The following THSD7A variants were observed in gnomAD, a reference collection of about 807,000 sequenced individuals.
THSD7A encodes thrombospondin type 1 domain containing 7A.
Under a neutral mutation model 231.3 loss-of-function variants are expected in THSD7A, and 96 were observed. That is an observed-to-expected ratio of 0.41 (90% CI 0.35 to 0.49). THSD7A has a LOEUF of 0.49. Ranked by LOEUF, THSD7A falls within the 20% of genes least tolerant of loss-of-function variation. The pLI, the probability that THSD7A is intolerant of heterozygous loss-of-function variation, is 0.05. For synonymous variants in THSD7A, 940 were observed against 743.3 expected (o/e 1.26, Z -4.30); for missense variants, 2,290 against 2,070.2 (o/e 1.11, Z -2.06).
intron 6 of THSD7A, among the ~76,000 whole-genome samples, chr7:11,537,407 T>C (rs1788957701): frequency 6.6e-6 from 1 of 152,190 alleles, no homozygotes; most frequent in African/African-American, 2.4e-5. Flanking sequence ...GTAGATTTCT[T>C]ATGAACGCTT....
At chr7:11,588,170 G>A (rs62434530) in intron 4 of THSD7A, among the ~76,000 whole-genome samples, 2,237 of 152,174 alleles carry the variant, frequency 0.015, 30 homozygotes, top group Middle Eastern at 0.031. Flanking sequence ...AACATCGAGT[G>A]TGAATAATCT....
At chr7:11,517,122 G>A (rs1788062631) in intron 6 of THSD7A, among the ~76,000 whole-genome samples, 1 of 152,134 alleles carries the variant, frequency 6.6e-6, no homozygotes, top group East Asian at 1.9e-4. Flanking sequence ...ACCTTTGCCT[G>A]GGCTAGAGTT....
At chr7:11,594,658 A>C (rs953977691) in intron 2 of THSD7A, among the ~76,000 whole-genome samples, 7 of 152,176 alleles carry the variant, frequency 4.6e-5, no homozygotes, top group African/African-American at 1.7e-4. Flanking sequence ...AGTTCAATGG[A>C]AAAGTGATGA....
chr7:11,798,218 T>C (rs1784180495), intron 1 of THSD7A, among the ~76,000 whole-genome samples: 1 of 151,920 alleles, frequency 6.6e-6, no homozygotes, highest in Non-Finnish European at 1.5e-5. Context: ...TAGAAATAAA[T>C]ACGCAATTTG....
At chr7:11,576,829 G>A (rs888444444) in intron 4 of THSD7A, among the ~76,000 whole-genome samples, 1 of 152,038 alleles carries the variant, frequency 6.6e-6, no homozygotes, top group African/African-American at 2.4e-5. Flanking sequence ...AGATTTCTAG[G>A]CCATTTTTGT....
intron 1 of THSD7A, among the ~76,000 whole-genome samples, chr7:11,656,482 G>A (rs914569567): frequency 2.0e-5 from 3 of 151,818 alleles, no homozygotes; most frequent in African/African-American, 7.2e-5. Flanking sequence ...AAAGCTTGCA[G>A]TTGGATTATC....
At chr7:11,566,589 TG>T (rs1421276489) in intron 4 of THSD7A, among the ~76,000 whole-genome samples, 1 of 152,218 alleles carries the variant, frequency 6.6e-6, no homozygotes, top group Non-Finnish European at 1.5e-5. Context: ...AGAACAGAGC[TG>T]CATGCACTCT....
In THSD7A at chr7:11,474,454, G is replaced by T; in HGVS notation, c.2132C>A (p.Thr711Asn). 6.2e-7 allele frequency: 1 copy of T among 1,613,618 alleles called. No homozygotes were observed. The highest frequency in any genetic ancestry group is 8.5e-7 in the Non-Finnish European group (1 of 1,179,632). The change falls in exon 8 of 28, where the codon ACC (threonine) becomes AAC (asparagine). Residue 711 changes from threonine to asparagine, a missense_variant. Physicochemically the swap from Thr to Asn is moderately conservative, Grantham distance 65. Coordinates refer to ENST00000423059, the MANE Select transcript of THSD7A (RefSeq NM_015204.3). This position sits in a 1 kb window ranked among gnomAD's most constrained non-coding sequence, Gnocchi z 4.1. The part of the protein sequence containing the change: ...TGPWGQCIED[T>N]SVSSFNTTTT... Reference sequence around the variant, plus strand: ...AGTTGTGTTGAAGGACGATACTGAGGTGTCCTCAATGCACTGGCCCCAGGG... The same window carrying T: ...AGTTGTGTTGAAGGACGATACTGAGTTGTCCTCAATGCACTGGCCCCAGGG...
intron 1 of THSD7A, among the ~76,000 whole-genome samples, chr7:11,779,903 G>T (rs909298347): frequency 1.3e-5 from 2 of 152,204 alleles, no homozygotes; most frequent in Non-Finnish European, 2.9e-5. Context: ...ATGAGTGTGG[G>T]AACCAGAATC....
Position 11,484,874 on chromosome 7 carries a change from A to ATTTT in THSD7A, c.1823-2896_1823-2893dup, listed in dbSNP as rs56353626. On this transcript the variant is annotated intron_variant, in intron 6 of 27. Coordinates refer to ENST00000423059, the MANE Select transcript of THSD7A (RefSeq NM_015204.3). ...CTCAACCCACTGAATCACAACCTTA[A>ATTTT]TTTTTTTTTTTTTTTTTTTTTTTTT... is the stretch of plus-strand genomic sequence containing the variant. Among the ~76,000 whole-genome samples the ATTTT allele has an allele frequency of 1.5e-3, 83 of 53,816 alleles. 8 individuals carry two copies. Among genetic ancestry groups the ATTTT allele is most frequent in the African/African-American group, 3.6e-3 (48 of 13,376 alleles). 35.3% of individuals were successfully genotyped at this position (53,816 alleles called of 152,430 possible).
At chr7:11,556,131 TTC>T (rs1481293908) in intron 4 of THSD7A, among the ~76,000 whole-genome samples, 4 of 151,812 alleles carry the variant, frequency 2.6e-5, no homozygotes, top group Admixed American at 6.6e-5. Context: ...ATTTATTCAT[TTC>T]TGTTTCATTT....
intron 9 of THSD7A, among the ~76,000 whole-genome samples, chr7:11,465,339 C>T (rs7807369): frequency 2.0e-5 from 3 of 151,150 alleles, no homozygotes; most frequent in Admixed American, 1.3e-4. Context: ...AACAAGTACG[C>T]GAAAAATAAG....
chr7:11,720,330 T>C (rs1228768326), intron 1 of THSD7A, among the ~76,000 whole-genome samples: 1 of 151,798 alleles, frequency 6.6e-6, no homozygotes. Context: ...CAACTTTTCA[T>C]TGTCACACCT....
At chr7:11,628,145 T>C (rs182611134) in intron 2 of THSD7A, among the ~76,000 whole-genome samples, 107 of 152,272 alleles carry the variant, frequency 7.0e-4, no homozygotes, top group African/African-American at 2.5e-3. Flanking sequence ...AAACATACAT[T>C]GGGGCGTGTT....
chr7:11,769,210 C>T (rs1257020163), intron 1 of THSD7A, among the ~76,000 whole-genome samples: 30 of 137,742 alleles, frequency 2.2e-4, no homozygotes, highest in Non-Finnish European at 3.9e-4. Context: ...TTAGCCAGGC[C>T]GGTCTCAAAC....
chr7:11,734,635 T>C (rs1781845667), intron 1 of THSD7A, among the ~76,000 whole-genome samples: 1 of 151,976 alleles, frequency 6.6e-6, no homozygotes, highest in Admixed American at 6.6e-5. Flanking sequence ...TTGTTTTCTG[T>C]CTTAGAACAT....
At chr7:11,619,505 C>T (rs903853399) in intron 2 of THSD7A, among the ~76,000 whole-genome samples, 1 of 151,582 alleles carries the variant, frequency 6.6e-6, no homozygotes, top group Admixed American at 6.6e-5. Context: ...AAACCCCAGG[C>T]TCAAGAAATC....
chr7:11,636,064 G>GAT lies in THSD7A; in HGVS notation c.1022+64_1022+65dup. The GAT allele has an allele frequency of 2.9e-6, 4 of 1,395,788 alleles. No individual in the cohort carries two copies. Among genetic ancestry groups the GAT allele is most frequent in the Non-Finnish European group, 3.9e-6 (4 of 1,014,744 alleles). The allele number at this position is 1,395,788 out of a possible 1,614,324, so 86.5% of individuals were successfully genotyped here. A position where few individuals can be genotyped will look rare whatever the true frequency, so the allele number is the denominator to read the frequency against. The stretch of plus-strand genomic sequence containing the variant: ...ATCCAGAAGTTATTAGATAGTACCG[G>GAT]ATATCTTAGGTACTCATGATTCTTG... On this transcript the variant is annotated intron_variant, in intron 2 of 27. Transcript: ENST00000423059. The surrounding 1 kb of genome is among the most constrained non-coding windows in gnomAD (Gnocchi z 10.0).
intron 1 of THSD7A, among the ~76,000 whole-genome samples, chr7:11,655,556 A>G (rs1211900341): frequency 6.6e-6 from 1 of 151,950 alleles, no homozygotes; most frequent in Non-Finnish European, 1.5e-5. Context: ...TTAACATTAG[A>G]CATGTAGCTT....
Sources: gnomAD v4.1 joint callset for allele counts (sites outside exome capture counted in the v4.1 genomes callset) on GRCh38, gnomAD v4.1.1 for gene constraint, Gnocchi (gnomAD v3.1) non-coding constraint, MANE v1.5 for transcripts, NCBI Gene and HGNC (gene_info 2026-07-23, HGNC 2026-07-21) for gene names.